ANKS3: variants seen among roughly 807,000 people sequenced by gnomAD.
ANKS3 encodes ankyrin repeat and SAM domain-containing protein 3.
Under a neutral mutation model 80.7 loss-of-function variants are expected in ANKS3, and 62 were observed. The observed-to-expected ratio is 0.77, with a 90% CI of 0.63 to 0.95. The LOEUF (loss-of-function observed/expected upper bound fraction) is 0.95, where lower values mean the gene tolerates loss of function less well. Ranked by LOEUF, ANKS3 falls within the 40% of genes least tolerant of loss-of-function variation. ANKS3 has a pLI of 0.00. For synonymous variants in ANKS3, 489 were observed against 355.3 expected, an observed-to-expected ratio of 1.38 and a Z score of -4.23; for missense variants, 1,150 against 883.6, an observed-to-expected ratio of 1.30 and a Z score of -3.82.
intron 15 of ANKS3, 83 bp downstream of exon 15, chr16:4,697,894 G>C: frequency 1.6e-6 from 2 of 1,287,204 alleles, no homozygotes. Context: ...GGAGAACCAG[G>C]CCAAGCCCAC....
rs1037012156 is a variant in ANKS3 at position 4,701,962 on chromosome 16, G to A, written c.1009+140C>T. 6 of 1,080,028 alleles carry A rather than the reference G, an allele frequency of 5.6e-6. No individual in the cohort carries two copies. The African/African-American group carries it at 8.1e-5, about 15-fold the overall frequency. The allele number at this position is 1,080,028 out of a possible 1,614,324, so 66.9% of individuals were successfully genotyped here. The stretch of plus-strand genomic sequence containing the variant: ...TTCTCCCATTCCTCACAAGAACCAG[G>A]GCCGTCCACACCTACCCCTTTCCTG... On this transcript the variant is annotated intron_variant, in intron 9 of 17. Coordinates refer to ENST00000304283, the MANE Select transcript of ANKS3 (RefSeq NM_133450.4).
chr16:4,724,702 C>A, intron 6 of ANKS3, 48 bp downstream of exon 6: 4 of 1,528,784 alleles, frequency 2.6e-6, no homozygotes, highest in Non-Finnish European at 3.6e-6. Flanking sequence ...TAATATGATT[C>A]CTCATTTGCC....
intron 7 of ANKS3, 50 bp from the exon 8 acceptor site, chr16:4,705,303 T>TA: frequency 1.3e-6 from 2 of 1,576,300 alleles, no homozygotes; most frequent in Non-Finnish European, 1.7e-6. Context: ...ATGGACTCAT[T>TA]TACTAATCCT....
At chr16:4,706,449 C>G (rs189814091) in intron 7 of ANKS3, among the ~76,000 whole-genome samples, 13 of 152,106 alleles carry the variant, frequency 8.5e-5, no homozygotes, top group African/African-American at 1.2e-4. Context: ...GTTGGCCAGG[C>G]TGGTCTCGAT....
intron 7 of ANKS3, among the ~76,000 whole-genome samples, chr16:4,710,981 G>A (rs2080455078): frequency 6.6e-6 from 1 of 151,436 alleles, no homozygotes; most frequent in African/African-American, 2.4e-5. Flanking sequence ...TGGAGACGGG[G>A]TTTCACCATG....
intron 7 of ANKS3, among the ~76,000 whole-genome samples, chr16:4,706,376 A>ATG (rs2080192019): frequency 6.6e-6 from 1 of 151,578 alleles, no homozygotes; most frequent in Admixed American, 6.6e-5. Flanking sequence ...GACTACAGGC[A>ATG]CCCGGCCACC....
intron 15 of ANKS3, 61 bp from the exon 16 acceptor site, chr16:4,697,477 T>C (rs2079630165): frequency 1.5e-6 from 2 of 1,371,520 alleles, no homozygotes; most frequent in South Asian, 1.3e-5. Context: ...GGCCCTGCTT[T>C]ATTCTGAGCC....
chr16:4,699,013 AC>A (rs1390188783), intron 12 of ANKS3, 38 bp downstream of exon 12: 2 of 1,614,070 alleles, frequency 1.2e-6, no homozygotes, highest in African/African-American at 1.3e-5. Context: ...GTTTGCCCCA[AC>A]CCCGGGCTGA....
At chr16:4,717,426 G>A (rs1011895557) in intron 6 of ANKS3, 3 of 151,926 alleles carry the variant, frequency 2.0e-5, no homozygotes, top group African/African-American at 7.3e-5. Context: ...AAGTTAGCTG[G>A]GAGTGGTGGC....
chr16:4,733,362 G>A (rs1308675397), intron 1 of ANKS3, among the ~76,000 whole-genome samples: 1 of 151,848 alleles, frequency 6.6e-6, no homozygotes, highest in East Asian at 1.9e-4. Context: ...CGTGATCTCG[G>A]CTCAATGCAA....
intron 3 of ANKS3, among the ~76,000 whole-genome samples, chr16:4,728,537 T>C (rs142638236): frequency 5.6e-4 from 85 of 152,120 alleles, no homozygotes; most frequent in African/African-American, 1.9e-3. Flanking sequence ...GTCCTAACAC[T>C]ATCTTCCTTT....
chr16:4,725,186 A>G lies in ANKS3; in HGVS notation c.492-355T>C, dbSNP rs139948164. ...CCAGCATCTCCCATCCATTCATCCA[A>G]ATCCTGGCTTCAAGTTCAACGTCCT... is the stretch of plus-strand genomic sequence containing the variant. On this transcript the variant is annotated intron_variant, in intron 5 of 17. Coordinates refer to ENST00000304283, the MANE Select transcript of ANKS3 (RefSeq NM_133450.4). 2.0e-3 allele frequency: 364 copies of G among 182,296 alleles called. 1 individual carries two copies. Among genetic ancestry groups the G allele is most frequent in the African/African-American group, 8.2e-3 (349 of 42,552 alleles). The allele number at this position is 182,296 out of a possible 1,614,324, so 11.3% of individuals were successfully genotyped here.
intron 6 of ANKS3, among the ~76,000 whole-genome samples, chr16:4,717,278 G>C (rs901720405): frequency 6.6e-6 from 1 of 152,050 alleles, no homozygotes; most frequent in African/African-American, 2.4e-5. Context: ...GCTGGGCACA[G>C]AGGCTCACAC....
intron 7 of ANKS3, among the ~76,000 whole-genome samples, chr16:4,708,754 G>A (rs2080333019): frequency 6.7e-6 from 1 of 149,106 alleles, no homozygotes; most frequent in Non-Finnish European, 1.5e-5. Flanking sequence ...CTAACACAGT[G>A]AAACCCTGTC....
intron 7 of ANKS3, among the ~76,000 whole-genome samples, chr16:4,712,336 C>T (rs1170151234): frequency 1.3e-4 from 20 of 151,864 alleles, no homozygotes; most frequent in South Asian, 2.1e-4. Context: ...GCTGAGATCT[C>T]GCCACTCCAG....
At chr16:4,706,374 G>A (rs2080191289) in intron 7 of ANKS3, among the ~76,000 whole-genome samples, 1 of 151,944 alleles carries the variant, frequency 6.6e-6, no homozygotes, top group South Asian at 2.1e-4. Context: ...GGGACTACAG[G>A]CACCCGGCCA....
At position 4,724,769 on chromosome 16, in the gene ANKS3, A is replaced by G. The variant is rs908560647; in HGVS notation, c.554T>C (p.Val185Ala). The change falls in exon 6 of 18, where the codon GTG (valine) becomes GCG (alanine). Residue 185 changes from valine (V) to alanine (A), a missense_variant. Val to Ala is a moderately conservative substitution (Grantham distance 64, BLOSUM62 0). Transcript: ENST00000304283. ...EAAAAGHEII[V>A]QYFLNHGVKV... ...ACTTACGTGATTCAGAAAATACTGC[A>G]CGATTATCTCATGGCCAGCAGCAGC... The G allele has an allele frequency of 4.3e-6, 7 of 1,613,980 alleles. No individual in the cohort carries two copies. The South Asian group carries it at 7.7e-5, about 18-fold the overall frequency.
rs1265422747 is a variant in ANKS3, at chr16:4,721,628, T to TGA, written c.573+3121_573+3122insTC. Among the ~76,000 whole-genome samples, 30 of 47,694 alleles carry TGA rather than the reference T, an allele frequency of 6.3e-4. 1 individual carries two copies. Among genetic ancestry groups the TGA allele is most frequent in the South Asian group, 4.5e-3 (6 of 1,328 alleles). The allele number at this position is 47,694 out of a possible 152,430, so 31.3% of individuals were successfully genotyped here. On this transcript the variant is annotated intron_variant, in intron 6 of 17. Coordinates refer to ENST00000304283, the MANE Select transcript of ANKS3 (RefSeq NM_133450.4). ...CCCATCTCTTTATTGATTTATTGAT[T>TGA]TATTTATTTATTTATTTATTTATTT...
chr16:4,728,335 C>T (rs1280997426), intron 3 of ANKS3, among the ~76,000 whole-genome samples: 5 of 152,156 alleles, frequency 3.3e-5, no homozygotes, highest in Non-Finnish European at 5.9e-5. Context: ...TGAGCCACCG[C>T]GCCCAGCCGG....
Sources: allele counts gnomAD v4.1 joint callset (sites outside exome capture counted in the v4.1 genomes callset), GRCh38; gene constraint gnomAD v4.1.1; transcripts MANE v1.5; gene names NCBI Gene and HGNC (gene_info 2026-07-23, HGNC 2026-07-21).